SRM: variants seen among roughly 807,000 people sequenced by gnomAD.
SRM encodes the protein spermidine synthase.
In SRM, 14 loss-of-function variants were observed where a neutral mutation model predicts 39.3. That is an observed-to-expected ratio of 0.36 (90% CI 0.24 to 0.56). The LOEUF (loss-of-function observed/expected upper bound fraction) is 0.56, where lower values mean the gene tolerates loss of function less well. SRM is among the 20% of genes least tolerant of loss of function. The probability of loss-of-function intolerance (pLI) is 0.86; values close to 1 mark genes in which losing one functional copy is unlikely to be tolerated. For synonymous variants in SRM, 195 were observed against 173.1 expected (o/e 1.13, Z -0.99); for missense variants, 244 against 409.2 (o/e 0.60, Z 3.48).
chr1:11,059,945 G>A lies in SRM; in HGVS notation c.-2C>T, dbSNP rs1638953087. The A allele has an allele frequency of 9.5e-7, 1 of 1,051,338 alleles. No individual in the cohort carries two copies. 65.1% of individuals were successfully genotyped at this position (1,051,338 alleles called of 1,614,324 possible). A position where few individuals can be genotyped will look rare whatever the true frequency, so the allele number is the denominator to read the frequency against. On this transcript the variant is annotated 5_prime_UTR_variant, in exon 1 of 8. Transcript: ENST00000376957. ...GGGGCCGTCGGGGCCGGGCTCCATG[G>A]CGGGCGGGCGGGCGGCGCGGGGCGC...
In SRM at chr1:11,056,694, G is replaced by A; in HGVS notation, c.445C>T (p.Leu149=). 3 of 1,614,170 alleles carry A rather than the reference G, an allele frequency of 1.9e-6. No homozygotes were observed. In the East Asian group the frequency reaches 6.7e-5, roughly 36 times the overall value. ...GMAIGYSSSK[L]TLHVGDGFEF... is the part of the protein sequence containing the mutation. ...AAACCGTCACCCACATGTAGGGTCA[G>A]CTTCGAGCTAGAGTAGCCAATGGCC... Residue 149 remains leucine (L), a synonymous_variant, in exon 4 of 8, where the codon CTG becomes TTG. Transcript: ENST00000376957.
At chr1:11,056,902 G>C in intron 3 of SRM, 145 bp from the exon 4 acceptor site, 1 of 803,462 alleles carries the variant, frequency 1.2e-6, no homozygotes, top group Non-Finnish European at 1.9e-6. Flanking sequence ...TTTTGAGACA[G>C]GGTCTCACTT....
At chr1:11,058,720 C>T (rs1395395388) in intron 3 of SRM, 80 bp downstream of exon 3, 5 of 1,284,136 alleles carry the variant, frequency 3.9e-6, no homozygotes, top group African/African-American at 1.5e-5. Context: ...CTGCCTTGCT[C>T]GGGGGTGTGC....
intron 3 of SRM, 107 bp downstream of exon 3, chr1:11,058,692 TG>T: frequency 1.1e-6 from 1 of 950,222 alleles, no homozygotes; most frequent in Non-Finnish European, 1.5e-6. Context: ...GTTTTCCAGA[TG>T]GAGAAACAGG....
chr1:11,059,857 G>C lies in SRM; in HGVS notation c.87C>G (p.Pro29=). 4 of 1,558,460 alleles carry C rather than the reference G, an allele frequency of 2.6e-6. No homozygotes were observed. The South Asian group carries it at 3.4e-5, about 13-fold the overall frequency. The change falls in exon 1 of 8, where the codon CCC becomes CCG. Residue 29 remains proline (P), a synonymous_variant. Transcript: ENST00000376957. ...CCACCTGCAGTGACAGGGCCTGGCCGGGCCACAGGCTGCAGGTCTCGCGGA... is the reference window on the plus strand; with the variant it reads ...CCACCTGCAGTGACAGGGCCTGGCCCGGCCACAGGCTGCAGGTCTCGCGGA... ...GWFRETCSLW[P]GQALSLQVEQ... is the part of the protein sequence containing the mutation.
intron 3 of SRM, among the ~76,000 whole-genome samples, chr1:11,057,115 C>T (rs1638892044): frequency 6.6e-6 from 1 of 152,118 alleles, no homozygotes; most frequent in Non-Finnish European, 1.5e-5. Context: ...CCTCGGCCTC[C>T]AAAAGTGCTA....
chr1:11,059,125 G>C, intron 2 of SRM, 100 bp downstream of exon 2: 1 of 1,581,968 alleles, frequency 6.3e-7, no homozygotes, highest in Non-Finnish European at 8.6e-7. Context: ...GGCCTCGCTA[G>C]CACTTTCTCT....
Position 11,059,784 on chromosome 1 carries a change from A to G in SRM, c.160T>C (p.Phe54Leu), listed in dbSNP as rs1396091727. The stretch of plus-strand genomic sequence containing the variant: ...TGCGGGCAGCGGCGGTACCTGCGGA[A>G]GACGAGGATGTCCTGGTAGCGCGAG... The part of the protein sequence containing the change: ...RRSRYQDILV[F>L]RSKTYGNVLV... The change falls in exon 1 of 8, where the codon TTC (phenylalanine) becomes CTC (leucine). Residue 54 changes from phenylalanine (F) to leucine (L), a missense_variant. By Grantham distance (22) the Phe-to-Leu change is conservative. Transcript: ENST00000376957. 6.3e-7 allele frequency: 1 copy of G among 1,578,000 alleles called. No individual in the cohort carries two copies. The highest frequency in any genetic ancestry group is 8.5e-7 in the Non-Finnish European group (1 of 1,171,228).
Position 11,056,087 on chromosome 1 carries a change from G to C in SRM, c.543C>G (p.Ala181=), listed in dbSNP as rs377460308. ...ITDSSDPMGP[A]ESLFKESYYQ... ...AATAGGACTCCTTGAAGAGACTTTC[G>C]GCGGGGCCTGGGGAAGACAGAGGGA... is the stretch of plus-strand genomic sequence containing the variant. The change falls in exon 5 of 8, where the codon GCC becomes GCG. Residue 181 remains alanine (A), a synonymous_variant. Coordinates refer to ENST00000376957, the MANE Select transcript of SRM (RefSeq NM_003132.3). 1 of 1,610,138 alleles carries C rather than the reference G, an allele frequency of 6.2e-7. No homozygotes were observed. The highest frequency in any genetic ancestry group is 1.7e-5 in the Admixed American group (1 of 59,540).
rs893606493 is a variant in SRM at position 11,059,006 on chromosome 1, G to A, written c.289-114C>T. On this transcript the variant is annotated intron_variant, in intron 2 of 7. Coordinates refer to ENST00000376957, the MANE Select transcript of SRM (RefSeq NM_003132.3). ...ACGGGCCTCATCTTTTTCTACCCTC[G>A]GAAACGCTTTCGTGCCGGTGTCCCC... 12 of 1,304,360 alleles carry A rather than the reference G, an allele frequency of 9.2e-6. No individual in the cohort carries two copies. The East Asian group carries it at 2.7e-4, about 29-fold the overall frequency. 80.8% of individuals were successfully genotyped at this position (1,304,360 alleles called of 1,614,324 possible). A position where few individuals can be genotyped will look rare whatever the true frequency, so the allele number is the denominator to read the frequency against.
chr1:11,054,853 T>C lies in SRM; in HGVS notation c.*12A>G. On this transcript the variant is annotated 3_prime_UTR_variant, in exon 8 of 8. Coordinates refer to ENST00000376957, the MANE Select transcript of SRM (RefSeq NM_003132.3). The surrounding 1 kb of genome is among the most constrained non-coding windows in gnomAD (Gnocchi z 4.8). ...CCGAGGTCCTGGGTGGCATCAGTGG[T>C]GGCGCCTGGGCTCAGCTCACATCAT... 1 of 1,600,374 alleles carries C rather than the reference T, an allele frequency of 6.2e-7. No individual in the cohort carries two copies. The highest frequency in any genetic ancestry group is 1.1e-5 in the South Asian group (1 of 89,966).
At chr1:11,058,631 T>C in intron 3 of SRM, 169 bp downstream of exon 3, 1 of 510,874 alleles carries the variant, frequency 2.0e-6, no homozygotes, top group Non-Finnish European at 3.5e-6. Context: ...CCTCACCACC[T>C]GCCAGGCCCT....
At chr1:11,055,186 C>A in intron 6 of SRM, 102 bp from the exon 7 acceptor site, 1 of 1,428,296 alleles carries the variant, frequency 7.0e-7, no homozygotes, top group South Asian at 1.4e-5. Context: ...GGCGTCATCT[C>A]AGCTCACTGC....
In SRM at chr1:11,058,871, C is replaced by T; in HGVS notation, c.310G>A (p.Asp104Asn). The T allele has an allele frequency of 6.2e-7, 1 of 1,610,762 alleles. No homozygotes were observed. Among genetic ancestry groups the T allele is most frequent in the East Asian group, 2.2e-5 (1 of 44,794 alleles). The change falls in exon 3 of 8, where the codon GAT (aspartate) becomes AAT (asparagine). Residue 104 changes from aspartate to asparagine, a missense_variant. By Grantham distance (23) the Asp-to-Asn change is conservative (BLOSUM62 1). Coordinates refer to ENST00000376957, the MANE Select transcript of SRM (RefSeq NM_003132.3). ...PRKVLIIGGG[D>N]GGVLREVVKH... ...ACCACCTCCCGCAGGACACCTCCATCTCCGCCCCCGATGATCAGCACCTGG... is the reference window on the plus strand; with the variant it reads ...ACCACCTCCCGCAGGACACCTCCATTTCCGCCCCCGATGATCAGCACCTGG...
At position 11,059,340 on chromosome 1, in the gene SRM, G is replaced by C; in HGVS notation, c.173C>G (p.Thr58Ser). 1 of 1,613,180 alleles carries C rather than the reference G, an allele frequency of 6.2e-7. No individual in the cohort carries two copies. Among genetic ancestry groups the C allele is most frequent in the South Asian group, 1.1e-5 (1 of 91,086 alleles). Residue 58 changes from threonine (T) to serine (S), a missense_variant, in exon 2 of 8, where the codon ACC becomes AGC. Coordinates refer to ENST00000376957, the MANE Select transcript of SRM (RefSeq NM_003132.3). The stretch of plus-strand genomic sequence containing the variant: ...GTCCAACACCAGCACGTTGCCATAG[G>C]TCTTACTGCGGGCGGAGTGACAGTC... Reference protein sequence around the residue: ...YQDILVFRSKTYGNVLVLDGV... With the variant: ...YQDILVFRSKSYGNVLVLDGV...
chr1:11,056,234 G>C (rs1344467869), intron 4 of SRM, 140 bp from the exon 5 acceptor site: 23 of 827,824 alleles, frequency 2.8e-5, no homozygotes, highest in African/African-American at 5.2e-5. Context: ...CCCATTCTTG[G>C]GGGAGTCTCA....
chr1:11,058,972 C>T, intron 2 of SRM, 80 bp from the exon 3 acceptor site: 2 of 1,380,784 alleles, frequency 1.4e-6, no homozygotes, highest in Non-Finnish European at 9.8e-7. Context: ...CCCCTGACCC[C>T]TCGGACCCAC....
chr1:11,059,424 G>C, intron 1 of SRM, 79 bp from the exon 2 acceptor site: 1 of 1,586,722 alleles, frequency 6.3e-7, no homozygotes, highest in Non-Finnish European at 8.6e-7. Flanking sequence ...GGGTGAGGAG[G>C]GTCTCCCCAT....
intron 2 of SRM, 147 bp downstream of exon 2, chr1:11,059,078 G>C: frequency 6.9e-7 from 1 of 1,443,572 alleles, no homozygotes; most frequent in Non-Finnish European, 9.4e-7. Context: ...CCGAGGCCGC[G>C]TCAGTGTCGG....
Sources: allele counts gnomAD v4.1 joint callset (sites outside exome capture counted in the v4.1 genomes callset), GRCh38; gene constraint gnomAD v4.1.1; non-coding constraint Gnocchi (gnomAD v3.1); transcripts MANE v1.5; gene names NCBI Gene and HGNC (gene_info 2026-07-23, HGNC 2026-07-21).